Variants in ZFHX3 observed in about 807,000 individuals in gnomAD.
ZFHX3 encodes zinc finger homeobox protein 3.
In ZFHX3, 42 loss-of-function variants were observed where a neutral mutation model predicts 279.1. That is an observed-to-expected ratio of 0.15 (90% CI 0.12 to 0.19). The LOEUF (loss-of-function observed/expected upper bound fraction) is 0.19, where lower values mean the gene tolerates loss of function less well. Among genes scored for constraint, ZFHX3 ranks in the 10% least tolerant of loss-of-function variants. The probability of loss-of-function intolerance (pLI) is 1.00; values close to 1 mark genes in which losing one functional copy is unlikely to be tolerated. For synonymous variants in ZFHX3, 2,293 were observed against 1,957.8 expected, an observed-to-expected ratio of 1.17 and a Z score of -4.52; for missense variants, 4,981 against 4,754.0, an observed-to-expected ratio of 1.05 and a Z score of -1.40.
At chr16:72,927,842 G>T (rs901978068) in intron 3 of ZFHX3, among the ~76,000 whole-genome samples, 1 of 151,912 alleles carries the variant, frequency 6.6e-6, no homozygotes, top group Admixed American at 6.6e-5. Flanking sequence ...GAGGCATGTC[G>T]AAATCAAAGG....
chr16:73,401,902 T>C (rs2017263477), intron 3 of ZFHX3: 1 of 152,168 alleles, frequency 6.6e-6, no homozygotes, highest in African/African-American at 2.4e-5. Flanking sequence ...GATTTGTAGA[T>C]GCCAAAAGAC....
At chr16:73,240,732 AT>A (rs2013096275) in intron 5 of ZFHX3, among the ~76,000 whole-genome samples, 1 of 152,226 alleles carries the variant, frequency 6.6e-6, no homozygotes, top group African/African-American at 2.4e-5. Context: ...GCAAGTATTG[AT>A]TTTGAAGTTA....
intron 3 of ZFHX3, among the ~76,000 whole-genome samples, chr16:72,904,021 G>A (rs1327832236): frequency 6.6e-6 from 1 of 152,174 alleles, no homozygotes; most frequent in Non-Finnish European, 1.5e-5. Flanking sequence ...CCCACAGGCT[G>A]GGACCAAGTC....
chr16:73,573,684 T>C (rs896972358), intron 2 of ZFHX3, among the ~76,000 whole-genome samples: 3 of 152,234 alleles, frequency 2.0e-5, no homozygotes, highest in Non-Finnish European at 4.4e-5. Context: ...TTAATACAGA[T>C]GCTGTATATA....
chr16:73,343,161 G>A (rs1453344154), intron 3 of ZFHX3, among the ~76,000 whole-genome samples: 1 of 151,758 alleles, frequency 6.6e-6, no homozygotes, highest in Non-Finnish European at 1.5e-5. Context: ...AAATATACAG[G>A]AAGGGGAAAG....
chr16:73,779,356 A>T lies in ZFHX3; in HGVS notation c.-1607-99116T>A, dbSNP rs1265671561. 1.1e-4 allele frequency among the ~76,000 whole-genome samples: 16 copies of T among 152,204 alleles called. 1 individual carries two copies. Among genetic ancestry groups the T allele is most frequent in the Admixed American group, 1.0e-3 (16 of 15,280 alleles). On this transcript the variant is annotated intron_variant, in intron 1 of 17. Coordinates refer to the ZFHX3 transcript ENST00000641206. ...TAATTTTTAAGTTAGTGATGAAAAG[A>T]ATTCATCTGAGAAAAAGACAACAAT... is the stretch of plus-strand genomic sequence containing the variant.
chr16:73,728,020 C>CCT (rs1555535437), intron 1 of ZFHX3, among the ~76,000 whole-genome samples: 3 of 90,594 alleles, frequency 3.3e-5, no homozygotes, highest in Admixed American at 2.8e-4. Flanking sequence ...ATTGTGCCCC[C>CCT]CCCCCGCCCC....
intron 5 of ZFHX3, among the ~76,000 whole-genome samples, chr16:73,173,629 G>T (rs980526889): frequency 3.3e-5 from 5 of 152,102 alleles, no homozygotes; most frequent in African/African-American, 1.2e-4. Flanking sequence ...ATAAAACCCA[G>T]ATGAAGAACT....
intron 1 of ZFHX3, among the ~76,000 whole-genome samples, chr16:73,705,871 G>A (rs1002255386): frequency 6.6e-6 from 1 of 152,106 alleles, no homozygotes; most frequent in Admixed American, 6.5e-5. Flanking sequence ...CCTCAGATAG[G>A]TTCCTCTCAA....
intron 1 of ZFHX3, among the ~76,000 whole-genome samples, chr16:72,978,026 A>G (rs1279950989): frequency 1.3e-5 from 2 of 152,002 alleles, no homozygotes; most frequent in East Asian, 3.9e-4. Context: ...CACCATGCCC[A>G]GCTAATTTTT....
chr16:72,863,799 G>A (rs2143911705), intron 4 of ZFHX3, among the ~76,000 whole-genome samples: 1 of 152,158 alleles, frequency 6.6e-6, no homozygotes, highest in Admixed American at 6.5e-5. Flanking sequence ...CTCTACTTGT[G>A]GATATGTTTG....
At chr16:72,845,267 T>C (rs1284692185) in intron 4 of ZFHX3, among the ~76,000 whole-genome samples, 2 of 151,742 alleles carry the variant, frequency 1.3e-5, no homozygotes, top group Non-Finnish European at 2.9e-5. Flanking sequence ...TGGAACCCCC[T>C]CCCCCTGCCA....
intron 2 of ZFHX3, among the ~76,000 whole-genome samples, chr16:73,533,611 A>G (rs2019845488): frequency 6.6e-6 from 1 of 152,066 alleles, no homozygotes; most frequent in Non-Finnish European, 1.5e-5. Flanking sequence ...TGAATATCCA[A>G]TGGGCTAATC....
chr16:72,977,783 C>A (rs770309221), intron 1 of ZFHX3, among the ~76,000 whole-genome samples: 44 of 152,000 alleles, frequency 2.9e-4, no homozygotes, highest in Non-Finnish European at 5.7e-4. Context: ...AAACCATGCA[C>A]CCCAGGGTGG....
At position 73,369,185 on chromosome 16, in the gene ZFHX3, T is replaced by A. The variant is rs138691753; in HGVS notation, c.-1290-50849A>T. On this transcript the variant is annotated intron_variant, in intron 3 of 17. Transcript: ENST00000641206. ...ACGCTTAAGCTAACAACTCCAGGCC[T>A]GGGGTTTGCTTTGGAGAGAAATACT... Among the ~76,000 whole-genome samples, 10 of 152,306 alleles carry A rather than the reference T, an allele frequency of 6.6e-5. No individual in the cohort carries two copies. The East Asian group carries it at 1.9e-3, about 29-fold the overall frequency.
Position 72,782,983 on chromosome 16 carries a change from C to CT in ZFHX3, c.*4180dup, listed in dbSNP as rs1468678562. On this transcript the variant is annotated 3_prime_UTR_variant, in exon 10 of 10. Coordinates refer to ENST00000268489, the MANE Select transcript of ZFHX3 (RefSeq NM_006885.4). ...ATATTCAATTACCATCTACAATCAA[C>CT]TTAACTATGACAACAAAGTTTTTGT... 6.6e-6 allele frequency: 1 copy of CT among 152,484 alleles called. No individual in the cohort carries two copies. Among genetic ancestry groups the CT allele is most frequent in the African/African-American group, 2.4e-5 (1 of 41,388 alleles). The allele number at this position is 152,484 out of a possible 1,614,324, so 9.4% of individuals were successfully genotyped here. A position where few individuals can be genotyped will look rare whatever the true frequency, so the allele number is the denominator to read the frequency against.
chr16:72,887,915 G>C (rs1195178225), intron 4 of ZFHX3, among the ~76,000 whole-genome samples: 2 of 152,086 alleles, frequency 1.3e-5, no homozygotes, highest in African/African-American at 2.4e-5. Flanking sequence ...TATCGGGCTG[G>C]TGTGTGTGCC....
At chr16:73,800,812 C>G (rs1011066601) in intron 1 of ZFHX3, among the ~76,000 whole-genome samples, 12 of 152,134 alleles carry the variant, frequency 7.9e-5, no homozygotes, top group African/African-American at 2.7e-4. Flanking sequence ...CCGTCTACCC[C>G]CAAAAGAAAA....
chr16:73,831,569 TGCA>T (rs1300299064), intron 1 of ZFHX3, among the ~76,000 whole-genome samples: 1 of 152,250 alleles, frequency 6.6e-6, no homozygotes, highest in Admixed American at 6.5e-5. Context: ...CTACAGATTC[TGCA>T]GCCTCTCACA....
Sources: gnomAD v4.1 joint callset for allele counts (sites outside exome capture counted in the v4.1 genomes callset) on GRCh38, gnomAD v4.1.1 for gene constraint, MANE v1.5 for transcripts, NCBI Gene and HGNC (gene_info 2026-07-23, HGNC 2026-07-21) for gene names.